Variants in ADARB2 observed in about 807,000 individuals in gnomAD.
The protein encoded by ADARB2 is adenosine deaminase RNA specific B2 (inactive).
ADARB2 carries 25 observed loss-of-function variants against 62.2 expected under a neutral mutation model. That is an observed-to-expected ratio of 0.40 (90% CI 0.29 to 0.56). The LOEUF (loss-of-function observed/expected upper bound fraction) is 0.56. ADARB2 is among the 20% of genes least tolerant of loss of function. The pLI is 0.43. For synonymous variants in ADARB2, 572 were observed against 500.8 expected (o/e 1.14, Z -1.90); for missense variants, 1,071 against 1,077.4 (o/e 0.99, Z 0.08).
chr10:1,489,568 A>G (rs1831593807), intron 1 of ADARB2, among the ~76,000 whole-genome samples: 1 of 152,242 alleles, frequency 6.6e-6, no homozygotes, highest in African/African-American at 2.4e-5. Flanking sequence ...GCGGAAGAAA[A>G]ACAACAAAGT....
chr10:1,482,591 G>A (rs1012954936), intron 1 of ADARB2, among the ~76,000 whole-genome samples: 12 of 152,202 alleles, frequency 7.9e-5, no homozygotes, highest in Admixed American at 4.6e-4. Context: ...ATGGGTGGAT[G>A]GTGAGGTGTT....
chr10:1,365,394 G>C (rs1266586236), intron 2 of ADARB2, among the ~76,000 whole-genome samples: 1 of 152,092 alleles, frequency 6.6e-6, no homozygotes, highest in African/African-American at 2.4e-5. Flanking sequence ...TCCCTGAGAA[G>C]CCCCAATATT....
At chr10:1,286,082 C>A (rs1831411001) in intron 3 of ADARB2, among the ~76,000 whole-genome samples, 1 of 89,866 alleles carries the variant, frequency 1.1e-5, no homozygotes, top group Admixed American at 1.3e-4. Flanking sequence ...GGTGGTGGGG[C>A]AGTGGGGGCG....
chr10:1,189,758 T>C (rs1836813375), intron 8 of ADARB2, among the ~76,000 whole-genome samples: 1 of 150,120 alleles, frequency 6.7e-6, no homozygotes, highest in Non-Finnish European at 1.5e-5. Context: ...CACGTGGCGC[T>C]ACCTCCTTCC....
At chr10:1,251,937 T>C (rs1266395455) in intron 4 of ADARB2, among the ~76,000 whole-genome samples, 1 of 152,180 alleles carries the variant, frequency 6.6e-6, no homozygotes, top group Non-Finnish European at 1.5e-5. Flanking sequence ...CCTGCTGACG[T>C]CTGGATTGTG....
At chr10:1,286,642 A>G (rs1831416622) in intron 3 of ADARB2, among the ~76,000 whole-genome samples, 1 of 152,194 alleles carries the variant, frequency 6.6e-6, no homozygotes, top group Non-Finnish European at 1.5e-5. Context: ...CCCCAGCTGC[A>G]TGACCACTAC....
At chr10:1,472,355 G>A (rs1312453670) in intron 1 of ADARB2, among the ~76,000 whole-genome samples, 2 of 152,176 alleles carry the variant, frequency 1.3e-5, no homozygotes, top group African/African-American at 4.8e-5. Context: ...GGTGTGACGA[G>A]CTCTGTGCCA....
chr10:1,489,093 C>T (rs1348699135), intron 1 of ADARB2, among the ~76,000 whole-genome samples: 1 of 152,272 alleles, frequency 6.6e-6, no homozygotes, highest in Non-Finnish European at 1.5e-5. Context: ...TTTCTCGCGG[C>T]TGTGTGAAGT....
At chr10:1,474,337 A>C (rs1831370318) in intron 1 of ADARB2, among the ~76,000 whole-genome samples, 2 of 152,146 alleles carry the variant, frequency 1.3e-5, no homozygotes, top group Non-Finnish European at 2.9e-5. Context: ...CACCAGCTGC[A>C]GTTTGGGGAT....
chr10:1,288,507 T>G (rs1199479551), intron 3 of ADARB2, among the ~76,000 whole-genome samples: 1 of 152,210 alleles, frequency 6.6e-6, no homozygotes. Flanking sequence ...AGAAAACTCC[T>G]TGCCCAGCAC....
chr10:1,598,112 C>T (rs1161748378), intron 1 of ADARB2, among the ~76,000 whole-genome samples: 1 of 152,234 alleles, frequency 6.6e-6, no homozygotes, highest in African/African-American at 2.4e-5. Flanking sequence ...ACACTGGAGG[C>T]TCCACAAGGC....
At chr10:1,517,902 A>G (rs2131949389) in intron 1 of ADARB2, among the ~76,000 whole-genome samples, 1 of 152,316 alleles carries the variant, frequency 6.6e-6, no homozygotes, top group South Asian at 2.1e-4. Flanking sequence ...CTTTCCCCGC[A>G]GCTCAGCCCC....
rs1037619861 is a variant in ADARB2, at chr10:1,477,951, T to C, written c.101-98791A>G. ...TCTGCTGGAGGACTAAGAGGGTCCA[T>C]GTGGGATCCTGTGATGCCCAGGTAA... On this transcript the variant is annotated intron_variant, in intron 1 of 9. Coordinates refer to ENST00000381312, the MANE Select transcript of ADARB2 (RefSeq NM_018702.4). This position sits in a 1 kb window ranked among gnomAD's most constrained non-coding sequence, Gnocchi z 4.5. Among the ~76,000 whole-genome samples, 1 of 152,206 alleles carries C rather than the reference T, an allele frequency of 6.6e-6. No homozygotes were observed. Among genetic ancestry groups the C allele is most frequent in the African/African-American group, 2.4e-5 (1 of 41,452 alleles).
At position 1,737,521 on chromosome 10, in the gene ADARB2, C is replaced by G. The variant is rs945158123; in HGVS notation, c.-371G>C. Reference sequence around the variant, plus strand: ...TCTGCTAGTTGTTTGGCACCAGCCACTTTGAAGCCAATCACGCAGGGAGCT... The same window carrying G: ...TCTGCTAGTTGTTTGGCACCAGCCAGTTTGAAGCCAATCACGCAGGGAGCT... On this transcript the variant is annotated 5_prime_UTR_variant, in exon 1 of 10. Transcript: ENST00000381312. 2 of 241,302 alleles carry G rather than the reference C, an allele frequency of 8.3e-6. No homozygotes were observed. The highest frequency in any genetic ancestry group is 4.5e-5 in the African/African-American group (2 of 44,134). 14.9% of individuals were successfully genotyped at this position (241,302 alleles called of 1,614,324 possible).
chr10:1,484,416 G>A (rs1454986809), intron 1 of ADARB2, among the ~76,000 whole-genome samples: 1 of 152,224 alleles, frequency 6.6e-6, no homozygotes, highest in Non-Finnish European at 1.5e-5. Flanking sequence ...CCAGGCTGCC[G>A]CCCACCGCTC....
chr10:1,698,681 G>A (rs568164133), intron 1 of ADARB2, among the ~76,000 whole-genome samples: 1 of 152,282 alleles, frequency 6.6e-6, no homozygotes, highest in African/African-American at 2.4e-5. Context: ...AGGTGGAGCA[G>A]AACATTCAAA....
intron 1 of ADARB2, among the ~76,000 whole-genome samples, chr10:1,676,884 G>T (rs935147731): frequency 6.6e-6 from 1 of 152,224 alleles, no homozygotes; most frequent in Non-Finnish European, 1.5e-5. Flanking sequence ...CCCAGTGAGT[G>T]TCAGAAACTC....
intron 1 of ADARB2, among the ~76,000 whole-genome samples, chr10:1,614,560 G>A (rs920572922): frequency 2.0e-5 from 3 of 152,218 alleles, no homozygotes; most frequent in Non-Finnish European, 4.4e-5. Flanking sequence ...TTCCCTCAAT[G>A]AGTATTAGCA....
At chr10:1,575,236 T>A (rs1432012560) in intron 1 of ADARB2, among the ~76,000 whole-genome samples, 1 of 108,750 alleles carries the variant, frequency 9.2e-6, no homozygotes, top group East Asian at 2.2e-4. Context: ...TTCTACTGTT[T>A]TTGTTTCTTA....
Sources: gnomAD v4.1 joint callset for allele counts (sites outside exome capture counted in the v4.1 genomes callset) on GRCh38, gnomAD v4.1.1 for gene constraint, Gnocchi (gnomAD v3.1) non-coding constraint, MANE v1.5 for transcripts, NCBI Gene and HGNC (gene_info 2026-07-23, HGNC 2026-07-21) for gene names.